The following YTHDC2 variants were observed in gnomAD, a reference collection of about 807,000 sequenced individuals.
YTHDC2 encodes the protein YTH N6-methyladenosine RNA binding protein C2, also known as 3'-5' RNA helicase YTHDC2.
Under a neutral mutation model 174.9 loss-of-function variants are expected in YTHDC2, and 45 were observed. The observed-to-expected ratio is 0.26, with a 90% confidence interval of 0.20 to 0.33. The LOEUF (loss-of-function observed/expected upper bound fraction) is 0.33, where lower values mean the gene tolerates loss of function less well. Among genes scored for constraint, YTHDC2 ranks in the 10% least tolerant of loss-of-function variants. The pLI is 1.00. For missense variants in YTHDC2, 1,650 were observed against 1,723.7 expected (o/e 0.96, Z 0.76); for synonymous variants, 657 against 574.5 (o/e 1.14, Z -2.05).
chr5:113,514,315 C>G (rs1468278361), intron 1 of YTHDC2: 1 of 698,456 alleles, frequency 1.4e-6, no homozygotes, highest in South Asian at 1.5e-5. Flanking sequence ...ACTTTGCTCC[C>G]TAGCTGAAAG....
chr5:113,566,171 A>G (rs767915589), intron 21 of YTHDC2, 152 bp downstream of exon 21: 2 of 935,256 alleles, frequency 2.1e-6, no homozygotes, highest in Non-Finnish European at 3.0e-6. Context: ...GTAGACTTCG[A>G]TATGTCTTCA....
intron 23 of YTHDC2, among the ~76,000 whole-genome samples, chr5:113,573,745 CTGCT>C (rs1192032777): frequency 6.6e-6 from 1 of 152,162 alleles, no homozygotes; most frequent in Admixed American, 6.5e-5. Flanking sequence ...ATTCTATTCT[CTGCT>C]TGGTCTGTGC....
chr5:113,575,078 C>T (rs941191680), intron 23 of YTHDC2, among the ~76,000 whole-genome samples: 4 of 152,222 alleles, frequency 2.6e-5, no homozygotes, highest in East Asian at 1.9e-4. Flanking sequence ...CTAGTATGTC[C>T]GAATGTGAGA....
At chr5:113,590,415 A>G (rs1208004186) in intron 26 of YTHDC2, among the ~76,000 whole-genome samples, 1 of 152,204 alleles carries the variant, frequency 6.6e-6, no homozygotes, top group Non-Finnish European at 1.5e-5. Flanking sequence ...ATTCCCAGCC[A>G]TGAGTGAGCT....
intron 3 of YTHDC2, among the ~76,000 whole-genome samples, chr5:113,525,730 T>A (rs1251486352): frequency 1.3e-5 from 2 of 152,092 alleles, no homozygotes. Flanking sequence ...AGATAATGTA[T>A]TTGGGTTATA....
intron 10 of YTHDC2, among the ~76,000 whole-genome samples, chr5:113,545,000 T>G (rs10035858): frequency 0.034 from 5,226 of 152,292 alleles, 326 homozygotes; most frequent in African/African-American, 0.12. Flanking sequence ...CATCATGTAC[T>G]TGTTTTGAAT....
intron 26 of YTHDC2, among the ~76,000 whole-genome samples, chr5:113,585,317 C>G (rs751367372): frequency 5.3e-5 from 8 of 151,936 alleles, no homozygotes; most frequent in Non-Finnish European, 1.0e-4. Context: ...GATGTGATGA[C>G]TTTACTGTTT....
chr5:113,565,725 T>C (rs556898280), intron 20 of YTHDC2, 168 bp from the exon 21 acceptor site: 3 of 638,752 alleles, frequency 4.7e-6, no homozygotes, highest in Non-Finnish European at 7.0e-6. Flanking sequence ...CATTTGAGTA[T>C]AAATTAATGA....
intron 17 of YTHDC2, among the ~76,000 whole-genome samples, chr5:113,556,708 G>T (rs1020247059): frequency 3.3e-5 from 5 of 152,198 alleles, no homozygotes; most frequent in Admixed American, 6.5e-5. Context: ...TGGGAGTATA[G>T]ATTGGTGTGA....
At chr5:113,553,403 T>C in intron 13 of YTHDC2, 44 bp downstream of exon 13, 1 of 1,529,656 alleles carries the variant, frequency 6.5e-7, no homozygotes, top group Non-Finnish European at 8.8e-7. Flanking sequence ...AATATATACT[T>C]TAAGAATTAA....
At chr5:113,552,079 T>C (rs1194828762) in intron 12 of YTHDC2, among the ~76,000 whole-genome samples, 2 of 152,172 alleles carry the variant, frequency 1.3e-5, no homozygotes, top group Non-Finnish European at 2.9e-5. Context: ...ATGTGAACTA[T>C]ACATCAGAAT....
intron 24 of YTHDC2, chr5:113,579,937 T>C (rs1778298297): frequency 6.1e-6 from 6 of 984,028 alleles, no homozygotes; most frequent in Non-Finnish European, 6.0e-6. Context: ...AGTTTGTTGT[T>C]GCTGCTATAG....
At chr5:113,590,777 A>C (rs1316322136) in intron 26 of YTHDC2, among the ~76,000 whole-genome samples, 2 of 152,172 alleles carry the variant, frequency 1.3e-5, no homozygotes, top group Non-Finnish European at 2.9e-5. Flanking sequence ...TTCTGAAAGT[A>C]TATTTGAGGT....
chr5:113,593,323 T>C lies in YTHDC2; in HGVS notation c.4233T>C (p.Gly1411=). ...RDGQELEPLV[G]EQLLQLWERL... ...TCTAGGAACTAGAACCTCTGGTTGGTGAACAGTTGCTCCAGTTATGGGAAC... is the reference window on the plus strand; with the variant it reads ...TCTAGGAACTAGAACCTCTGGTTGGCGAACAGTTGCTCCAGTTATGGGAAC... Residue 1411 remains glycine (G), a synonymous_variant, in exon 29 of 30, where the codon GGT becomes GGC. Transcript: ENST00000161863. 1.2e-6 allele frequency: 2 copies of C among 1,612,756 alleles called. No individual in the cohort carries two copies. Among genetic ancestry groups the C allele is most frequent in the Non-Finnish European group, 1.7e-6 (2 of 1,179,078 alleles).
intron 18 of YTHDC2, among the ~76,000 whole-genome samples, chr5:113,562,873 T>G (rs530223100): frequency 3.3e-4 from 51 of 152,324 alleles, no homozygotes; most frequent in Non-Finnish European, 6.0e-4. Context: ...TAATCGTAAT[T>G]AAGTAGTTAA....
intron 26 of YTHDC2, among the ~76,000 whole-genome samples, chr5:113,590,376 A>G (rs114006982): frequency 6.6e-6 from 1 of 152,196 alleles, no homozygotes; most frequent in Non-Finnish European, 1.5e-5. Flanking sequence ...TACAGGTTCT[A>G]TCTGTTCTGG....
Position 113,553,541 on chromosome 5 carries a change from C to T in YTHDC2, c.1868-49C>T, listed in dbSNP as rs1453368396. ...CAGATTTTTATAATTCTGTTGATTGCCTCTGATTCACAATGAGATTTAATA... is the reference window on the plus strand; with the variant it reads ...CAGATTTTTATAATTCTGTTGATTGTCTCTGATTCACAATGAGATTTAATA... On this transcript the variant is annotated intron_variant, in intron 13 of 29. Transcript: ENST00000161863. The T allele has an allele frequency of 7.6e-6, 12 of 1,574,770 alleles. 1 individual carries two copies. The highest frequency in any genetic ancestry group is 3.4e-5 in the South Asian group (3 of 88,936).
chr5:113,577,924 G>A (rs966757807), intron 23 of YTHDC2, among the ~76,000 whole-genome samples: 3 of 151,938 alleles, frequency 2.0e-5, no homozygotes, highest in African/African-American at 7.2e-5. Flanking sequence ...TATGTACCTT[G>A]TTACTTTATT....
intron 2 of YTHDC2, among the ~76,000 whole-genome samples, chr5:113,517,132 GGC>G (rs1580463175): frequency 6.6e-6 from 1 of 152,056 alleles, no homozygotes; most frequent in East Asian, 1.9e-4. Context: ...AATAAAATAT[GGC>G]CATCACCTTT....
Sources: allele counts gnomAD v4.1 joint callset (sites outside exome capture counted in the v4.1 genomes callset), GRCh38; gene constraint gnomAD v4.1.1; transcripts MANE v1.5; gene names NCBI Gene and HGNC (gene_info 2026-07-23, HGNC 2026-07-21).